The following UGT2B4 variants were observed in gnomAD, a reference collection of about 807,000 sequenced individuals.
The protein encoded by UGT2B4 is UDP glucuronosyltransferase family 2 member B4, also known as UDP-glucuronosyltransferase 2B4.
UGT2B4 carries 49 observed loss-of-function variants against 49.8 expected under a neutral mutation model. The observed-to-expected ratio is 0.98, with a 90% CI of 0.78 to 1.25. The LOEUF (loss-of-function observed/expected upper bound fraction) is 1.25. Among genes scored for constraint, UGT2B4 ranks in the 50% most tolerant of loss-of-function variants. UGT2B4 has a pLI of 0.00. For synonymous variants in UGT2B4, 246 were observed against 217.7 expected, an observed-to-expected ratio of 1.13 and a Z score of -1.14; for missense variants, 729 against 627.7, an observed-to-expected ratio of 1.16 and a Z score of -1.73.
upstream of UGT2B4, among the ~76,000 whole-genome samples, chr4:69,498,252 A>G (rs1215044361): frequency 1.3e-5 from 2 of 152,186 alleles, no homozygotes; most frequent in Non-Finnish European, 2.9e-5. Flanking sequence ...TCTCAGAAGT[A>G]TTTCTTGTGT....
intron 1 of UGT2B4, among the ~76,000 whole-genome samples, chr4:69,522,169 G>A (rs1051324135): frequency 6.6e-6 from 1 of 151,226 alleles, no homozygotes; most frequent in Admixed American, 6.6e-5. Flanking sequence ...AATAATATAG[G>A]TTTACATTTA....
At chr4:69,505,303 A>G (rs1306485002) in intron 1 of UGT2B4, among the ~76,000 whole-genome samples, 1 of 152,204 alleles carries the variant, frequency 6.6e-6, no homozygotes, top group Non-Finnish European at 1.5e-5. Context: ...ACCAAGACCC[A>G]TTGGTATGCT....
intron 5 of UGT2B4, among the ~76,000 whole-genome samples, chr4:69,483,450 C>G (rs998929501): frequency 6.6e-6 from 1 of 151,980 alleles, no homozygotes; most frequent in African/African-American, 2.4e-5. Flanking sequence ...TGTTTTATGT[C>G]CTTACTCATT....
At chr4:69,491,320 A>T (rs567258983) in intron 2 of UGT2B4, among the ~76,000 whole-genome samples, 1 of 151,990 alleles carries the variant, frequency 6.6e-6, no homozygotes, top group African/African-American at 2.4e-5. Flanking sequence ...TATGTTTTTA[A>T]TTATTCCTTA....
chr4:69,515,584 T>A (rs1387546436), intron 1 of UGT2B4, among the ~76,000 whole-genome samples: 1 of 152,012 alleles, frequency 6.6e-6, no homozygotes, highest in Non-Finnish European at 1.5e-5. Context: ...TAACCTAACA[T>A]CTCAACTAAA....
chr4:69,492,812 A>G (rs372204974), intron 2 of UGT2B4, among the ~76,000 whole-genome samples: 17 of 152,228 alleles, frequency 1.1e-4, no homozygotes, highest in African/African-American at 3.6e-4. Flanking sequence ...AGGTAATTCT[A>G]TCCACTTTCT....
chr4:69,484,763 G>A (rs576111259), intron 5 of UGT2B4, among the ~76,000 whole-genome samples: 3 of 151,926 alleles, frequency 2.0e-5, no homozygotes, highest in South Asian at 2.1e-4. Flanking sequence ...TAAATAGGTC[G>A]GTTTTATGCT....
At position 69,495,850 on chromosome 4, in the gene UGT2B4, T is replaced by C; in HGVS notation, c.12A>G (p.Lys4=). The C allele has an allele frequency of 7.5e-6, 12 of 1,591,016 alleles. No homozygotes were observed. Among genetic ancestry groups the C allele is most frequent in the Non-Finnish European group, 7.7e-6 (9 of 1,171,884 alleles). The change falls in exon 1 of 6, where the codon AAA becomes AAG. Residue 4 remains lysine (K), a synonymous_variant. Coordinates refer to ENST00000305107, the MANE Select transcript of UGT2B4 (RefSeq NM_021139.3). MSM[K]WTSALLLIQL... is the part of the protein sequence containing the mutation. ...GTATCAGCAGAAGAGCTGAAGTCCA[T>C]TTCATAGACATCCTGATGCAATGCA...
At chr4:69,503,665 A>G (rs1728400342) in intron 1 of UGT2B4, among the ~76,000 whole-genome samples, 1 of 152,208 alleles carries the variant, frequency 6.6e-6, no homozygotes, top group African/African-American at 2.4e-5. Flanking sequence ...TGTGGAGCAC[A>G]GAGAAGAGAC....
At chr4:69,506,190 T>C (rs916749983) in intron 1 of UGT2B4, among the ~76,000 whole-genome samples, 7 of 151,352 alleles carry the variant, frequency 4.6e-5, no homozygotes, top group African/African-American at 7.3e-5. Flanking sequence ...CAAAAAAAAT[T>C]CCAAAGCTAG....
In UGT2B4 at chr4:69,512,558, C is replaced by T. The variant is rs1261931841; in HGVS notation, c.-106+13129G>A. 5.9e-5 allele frequency among the ~76,000 whole-genome samples: 9 copies of T among 152,124 alleles called. No homozygotes were observed. In the South Asian group the frequency reaches 1.2e-3, roughly 21 times the overall value. ...TGTTAACATTTGCTTTGTGACTTAA[C>T]GTGTATATGTCCAGTAAGGAAATTG... On this transcript the variant is annotated intron_variant, in intron 1 of 1. Coordinates refer to the UGT2B4 transcript ENST00000510114.
chr4:69,495,362 G>T lies in UGT2B4; in HGVS notation c.500C>A (p.Pro167His). 6.2e-7 allele frequency: 1 copy of T among 1,613,766 alleles called. No individual in the cohort carries two copies. The highest frequency in any genetic ancestry group is 8.5e-7 in the Non-Finnish European group (1 of 1,179,924). ...AGAGAAGCGGAGGCTGTAGACAAAG[G>T]GTATTTTAAGTAACTCGGCCAGCAG... ...GELLAELLKI[P>H]FVYSLRFSPG... The change falls in exon 1 of 6, where the codon CCC (proline) becomes CAC (histidine). Residue 167 changes from proline to histidine, a missense_variant. Physicochemically the swap from Pro to His is moderately conservative, Grantham distance 77. Coordinates refer to ENST00000305107, the MANE Select transcript of UGT2B4 (RefSeq NM_021139.3).
intron 1 of UGT2B4, among the ~76,000 whole-genome samples, chr4:69,512,446 A>G (rs1474409328): frequency 1.6e-4 from 25 of 151,756 alleles, no homozygotes; most frequent in Non-Finnish European, 7.4e-5. Flanking sequence ...TGTAAGTTTG[A>G]CTATTCTACT....
chr4:69,493,681 G>A lies in UGT2B4; in HGVS notation c.870+12C>T, dbSNP rs1728059428. ...AACTTCAAAGCAGACAAAACAAACA[G>A]TAATAGTTTACCTTCGGTAGGGGTT... is the stretch of plus-strand genomic sequence containing the variant. On this transcript the variant is annotated intron_variant, in intron 2 of 5. Transcript: ENST00000305107. 1 of 1,602,084 alleles carries A rather than the reference G, an allele frequency of 6.2e-7. No individual in the cohort carries two copies. The highest frequency in any genetic ancestry group is 8.5e-7 in the Non-Finnish European group (1 of 1,176,340).
chr4:69,485,171 T>C, intron 5 of UGT2B4, 37 bp downstream of exon 5: 2 of 1,609,344 alleles, frequency 1.2e-6, no homozygotes, highest in Non-Finnish European at 1.7e-6. Flanking sequence ...GGAACCTATC[T>C]ATAAAGACCA....
At chr4:69,521,064 G>C (rs1413813321) in intron 1 of UGT2B4, among the ~76,000 whole-genome samples, 1 of 152,140 alleles carries the variant, frequency 6.6e-6, no homozygotes, top group Non-Finnish European at 1.5e-5. Flanking sequence ...AACAGACATT[G>C]GGATGACCAG....
rs573368030 is a variant in UGT2B4 at position 69,482,732 on chromosome 4, G to A, written c.1311-1822C>T. Among the ~76,000 whole-genome samples the A allele has an allele frequency of 1.1e-4, 16 of 151,918 alleles. 1 individual carries two copies. In the South Asian group the frequency reaches 1.3e-3, roughly 12 times the overall value. Reference sequence around the variant, plus strand: ...AGTAATATTCCTGCCTCAGCCTCCTGAGTAGCTGGGATTACAGGTGCGCAC... The same window carrying A: ...AGTAATATTCCTGCCTCAGCCTCCTAAGTAGCTGGGATTACAGGTGCGCAC... On this transcript the variant is annotated intron_variant, in intron 5 of 5. Transcript: ENST00000305107.
chr4:69,491,652 A>C (rs1325241017), intron 2 of UGT2B4, among the ~76,000 whole-genome samples: 1 of 152,162 alleles, frequency 6.6e-6, no homozygotes, highest in African/African-American at 2.4e-5. Context: ...TAGTAACAAC[A>C]GCTAGTATTA....
intron 1 of UGT2B4, among the ~76,000 whole-genome samples, chr4:69,516,366 T>C (rs1011219831): frequency 6.6e-6 from 1 of 152,176 alleles, no homozygotes; most frequent in African/African-American, 2.4e-5. Flanking sequence ...GAACGCTGAG[T>C]CAAGTGGTAT....
Sources: allele counts gnomAD v4.1 joint callset (sites outside exome capture counted in the v4.1 genomes callset), GRCh38; gene constraint gnomAD v4.1.1; transcripts MANE v1.5; gene names NCBI Gene and HGNC (gene_info 2026-07-23, HGNC 2026-07-21).